Variants in CDH10 observed in about 807,000 individuals in gnomAD.
CDH10 encodes cadherin 10.
CDH10 carries 30 observed loss-of-function variants against 73.1 expected under a neutral mutation model. That is an observed-to-expected ratio of 0.41 (90% confidence interval 0.31 to 0.56). The LOEUF is 0.56. Ranked by LOEUF, CDH10 falls within the 20% of genes least tolerant of loss-of-function variation. The pLI, the probability that CDH10 is intolerant of heterozygous loss-of-function variation, is 0.27. For synonymous variants in CDH10, 345 were observed against 348.2 expected (o/e 0.99, Z 0.10); for missense variants, 815 against 973.7 (o/e 0.84, Z 2.17).
chr5:24,634,045 C>T (rs1479756180), intron 1 of CDH10, among the ~76,000 whole-genome samples: 1 of 151,822 alleles, frequency 6.6e-6, no homozygotes, highest in African/African-American at 2.4e-5. Flanking sequence ...TTCATCTCAA[C>T]CCTCTGATCA....
intron 1 of CDH10, among the ~76,000 whole-genome samples, chr5:24,604,245 A>T: frequency 6.6e-6 from 1 of 151,974 alleles, no homozygotes; most frequent in Admixed American, 6.6e-5. Flanking sequence ...TACTCTGGAG[A>T]TTGATGTGGG....
intron 7 of CDH10, among the ~76,000 whole-genome samples, chr5:24,508,711 G>C (rs996265025): frequency 1.9e-4 from 28 of 148,842 alleles, no homozygotes; most frequent in African/African-American, 7.0e-4. Context: ...TAGAGACAGG[G>C]TCTCAGTATG....
chr5:24,627,763 A>T (rs1747560755), intron 1 of CDH10, among the ~76,000 whole-genome samples: 2 of 152,148 alleles, frequency 1.3e-5, no homozygotes, highest in Non-Finnish European at 2.9e-5. Context: ...ATTTGCTTTA[A>T]CACATTTTAA....
chr5:24,548,349 G>C (rs1429493187), intron 2 of CDH10, among the ~76,000 whole-genome samples: 1 of 151,802 alleles, frequency 6.6e-6, no homozygotes, highest in East Asian at 1.9e-4. Flanking sequence ...TCAAACTCCT[G>C]ACCTTGGGGG....
chr5:24,612,961 T>G (rs1746997870), intron 1 of CDH10: 1 of 152,284 alleles, frequency 6.6e-6, no homozygotes, highest in South Asian at 2.1e-4. Context: ...TTGCAACACA[T>G]TGAGGACACA....
intron 2 of CDH10, among the ~76,000 whole-genome samples, chr5:24,540,468 G>A (rs1031412027): frequency 4.0e-5 from 6 of 151,858 alleles, no homozygotes. Context: ...ATACTACAGA[G>A]AGTGAAAATT....
intron 2 of CDH10, among the ~76,000 whole-genome samples, chr5:24,561,830 A>G (rs1158854491): frequency 2.0e-5 from 3 of 152,164 alleles, no homozygotes; most frequent in Non-Finnish European, 4.4e-5. Flanking sequence ...CAGGACACTG[A>G]TCACAGTAAT....
rs747339036 is a variant in CDH10, at chr5:24,509,822, G to A, written c.1003-3C>T. 12 of 1,595,198 alleles carry A rather than the reference G, an allele frequency of 7.5e-6. No individual in the cohort carries two copies. Among genetic ancestry groups the A allele is most frequent in the Non-Finnish European group, 9.4e-6 (11 of 1,172,016 alleles). The stretch of plus-strand genomic sequence containing the variant: ...CTTCGGCTCTCATAGTCGAGTGGCT[G>A]TATAAAAAAATAAATCATCAAATTA... On this transcript the variant is annotated splice_region_variant and splice_polypyrimidine_tract_variant and intron_variant, in intron 6 of 11. Coordinates refer to ENST00000264463, the MANE Select transcript of CDH10 (RefSeq NM_006727.5).
intron 6 of CDH10, 135 bp downstream of exon 6, chr5:24,511,192 T>C (rs1742888712): frequency 9.4e-6 from 6 of 635,310 alleles, no homozygotes; most frequent in Non-Finnish European, 1.6e-5. Context: ...GTCTTTCTTA[T>C]GTATGCACAG....
intron 2 of CDH10, among the ~76,000 whole-genome samples, chr5:24,562,360 C>T (rs1744992373): frequency 6.6e-6 from 1 of 151,806 alleles, no homozygotes; most frequent in Non-Finnish European, 1.5e-5. Context: ...TTATTTTTAT[C>T]AGCACTGTTG....
chr5:24,511,300 A>G, intron 6 of CDH10, 27 bp downstream of exon 6: 1 of 1,448,550 alleles, frequency 6.9e-7, no homozygotes, highest in South Asian at 1.2e-5. Flanking sequence ...AAACACACAG[A>G]TGCTTATTTA....
At chr5:24,620,459 T>C (rs1747276074) in intron 1 of CDH10, among the ~76,000 whole-genome samples, 1 of 152,196 alleles carries the variant, frequency 6.6e-6, no homozygotes, top group African/African-American at 2.4e-5. Context: ...AGACCTTGAA[T>C]AATATATATA....
intron 2 of CDH10, among the ~76,000 whole-genome samples, chr5:24,573,534 T>A (rs570930856): frequency 6.6e-6 from 1 of 151,874 alleles, no homozygotes. Flanking sequence ...ACCCCGACTC[T>A]ACTAAAAATA....
chr5:24,634,882 G>C (rs946192578), intron 1 of CDH10, among the ~76,000 whole-genome samples: 1 of 151,468 alleles, frequency 6.6e-6, no homozygotes, highest in African/African-American at 2.4e-5. Flanking sequence ...TTTTAAAAAC[G>C]TATTTATGAA....
intron 1 of CDH10, among the ~76,000 whole-genome samples, chr5:24,630,773 G>A (rs1747678355): frequency 6.6e-6 from 1 of 151,726 alleles, no homozygotes; most frequent in African/African-American, 2.4e-5. Context: ...AGGCAGAGAA[G>A]CTACAATGAA....
chr5:24,606,718 T>G (rs1746775251), intron 1 of CDH10, among the ~76,000 whole-genome samples: 1 of 152,308 alleles, frequency 6.6e-6, no homozygotes, highest in South Asian at 2.1e-4. Flanking sequence ...TATCAAATAT[T>G]ATTTTAATAA....
intron 1 of CDH10, among the ~76,000 whole-genome samples, chr5:24,622,682 C>T (rs1041957213): frequency 3.9e-5 from 6 of 151,982 alleles, no homozygotes; most frequent in East Asian, 1.9e-4. Flanking sequence ...AGGACAGATG[C>T]GGTATTTATT....
Position 24,537,508 on chromosome 5 carries a change from T to G in CDH10, c.398A>C (p.Asn133Thr), listed in dbSNP as rs772322703. 2.5e-6 allele frequency: 4 copies of G among 1,613,400 alleles called. No individual in the cohort carries two copies. The highest frequency in any genetic ancestry group is 3.4e-6 in the Non-Finnish European group (4 of 1,179,532). ...CTCTACTGGCCTCAGAGTTCTTCTG[T>G]TAATAGCTTGTGCGCGTAGAGTATA... ...AFYTLRAQAI[N>T]RRTLRPVEPE... Residue 133 changes from asparagine to threonine, a missense_variant, in exon 3 of 12, where the codon AAC becomes ACC. By Grantham distance (65) the Asn-to-Thr change is moderately conservative (BLOSUM62 0). This residue lies in a region of CDH10 where 516 missense variants were observed against 636.6 expected (regional missense o/e 0.81). Transcript: ENST00000264463.
At chr5:24,499,758 T>C (rs1742424228) in intron 8 of CDH10, among the ~76,000 whole-genome samples, 1 of 152,176 alleles carries the variant, frequency 6.6e-6, no homozygotes, top group African/African-American at 2.4e-5. Context: ...AATACCACTT[T>C]ATTTAGCTTA....
Sources: gnomAD v4.1 joint callset for allele counts (sites outside exome capture counted in the v4.1 genomes callset) on GRCh38, gnomAD v4.1.1 for gene constraint, gnomAD v4.1.1 regional missense constraint, MANE v1.5 for transcripts, NCBI Gene and HGNC (gene_info 2026-07-23, HGNC 2026-07-21) for gene names.